PVALB: variants seen among roughly 807,000 people sequenced by gnomAD.
The protein encoded by PVALB is parvalbumin alpha.
A neutral mutation model predicts 10.9 loss-of-function variants in PVALB; 11 were observed. The ratio of observed to expected loss-of-function variants is 1.01; its 90% CI spans 0.63 to 1.67. The LOEUF (loss-of-function observed/expected upper bound fraction) is 1.67. PVALB is among the 40% of genes most tolerant of loss of function. PVALB has a pLI of 0.00. For synonymous variants in PVALB, 57 were observed against 50.7 expected, an observed-to-expected ratio of 1.12 and a Z score of -0.53; for missense variants, 131 against 136.2, an observed-to-expected ratio of 0.96 and a Z score of 0.19.
intron 3 of PVALB, chr22:36,811,487 C>T (rs879278256): frequency 2.1e-5 from 10 of 466,460 alleles, no homozygotes; most frequent in Middle Eastern, 3.2e-4. Flanking sequence ...CTTCCATTGC[C>T]GGGCACAGAG....
intron 3 of PVALB, among the ~76,000 whole-genome samples, chr22:36,803,661 ATGGG>A (rs1459128214): frequency 1.0e-4 from 9 of 89,540 alleles, no homozygotes; most frequent in South Asian, 4.6e-4. Context: ...GAATGGATGG[ATGGG>A]TGGGTGGGTG....
chr22:36,807,719 C>G (rs1054244497), intron 3 of PVALB, among the ~76,000 whole-genome samples: 3 of 152,116 alleles, frequency 2.0e-5, no homozygotes, highest in Non-Finnish European at 2.9e-5. Flanking sequence ...ACAGCCATTC[C>G]CACGGCTGAT....
At chr22:36,816,094 C>T (rs1434819897) in intron 1 of PVALB, among the ~76,000 whole-genome samples, 1 of 151,374 alleles carries the variant, frequency 6.6e-6, no homozygotes, top group Non-Finnish European at 1.5e-5. Flanking sequence ...CTGTTGAAGT[C>T]ATGTTCTCTT....
intron 3 of PVALB, among the ~76,000 whole-genome samples, chr22:36,801,285 A>G (rs997672874): frequency 6.6e-6 from 1 of 152,234 alleles, no homozygotes; most frequent in Non-Finnish European, 1.5e-5. Flanking sequence ...GACTCTGACA[A>G]TAGTCCTGTC....
At chr22:36,803,293 T>A (rs544859908) in intron 3 of PVALB, among the ~76,000 whole-genome samples, 3 of 152,316 alleles carry the variant, frequency 2.0e-5, no homozygotes, top group African/African-American at 7.2e-5. Context: ...AGCTCAAATA[T>A]CACCATCCCA....
Position 36,813,633 on chromosome 22 carries a change from C to T in PVALB, c.304+13G>A. The T allele has an allele frequency of 6.3e-7, 1 of 1,596,078 alleles. No homozygotes were observed. Among genetic ancestry groups the T allele is most frequent in the Non-Finnish European group, 8.6e-7 (1 of 1,163,656 alleles). Reference sequence around the variant, plus strand: ...TCCACAATATGCCCAGACCCCAGGTCACGGCTACCCACCGTCAACCCCAAT... The same window carrying T: ...TCCACAATATGCCCAGACCCCAGGTTACGGCTACCCACCGTCAACCCCAAT... On this transcript the variant is annotated intron_variant, in intron 3 of 3. Transcript: ENST00000417718.
At chr22:36,808,524 G>A (rs1938998034) in intron 3 of PVALB, among the ~76,000 whole-genome samples, 2 of 152,102 alleles carry the variant, frequency 1.3e-5, no homozygotes, top group African/African-American at 2.4e-5. Flanking sequence ...GGATAGTGAC[G>A]GCATCTACTT....
intron 3 of PVALB, among the ~76,000 whole-genome samples, chr22:36,809,450 A>C (rs780278442): frequency 1.3e-5 from 2 of 152,106 alleles, no homozygotes; most frequent in Non-Finnish European, 2.9e-5. Flanking sequence ...TAAACTATGA[A>C]TGAATGAATG....
upstream of PVALB, among the ~76,000 whole-genome samples, chr22:36,819,118 G>A (rs1660365840): frequency 1.3e-5 from 2 of 152,106 alleles, no homozygotes; most frequent in Non-Finnish European, 2.9e-5. Flanking sequence ...CTGCCCTCTG[G>A]GTCCTCTCTG....
chr22:36,803,178 A>G (rs987174673), intron 3 of PVALB, among the ~76,000 whole-genome samples: 3 of 152,196 alleles, frequency 2.0e-5, no homozygotes, highest in Admixed American at 6.5e-5. Context: ...AAAATTAAGT[A>G]GCTTGACCAT....
At chr22:36,803,605 G>C (rs80142403) in intron 3 of PVALB, among the ~76,000 whole-genome samples, 3,453 of 150,878 alleles carry the variant, frequency 0.023, 136 homozygotes, top group African/African-American at 0.081. Context: ...TGGATGGAGG[G>C]ATGAGGAATG....
rs546448749 is a variant in PVALB at position 36,815,184 on chromosome 22, T to C, written c.113A>G (p.Lys38Arg). ...KKFFQMVGLK[K>R]KSADDVKKVF... ...CTTCTTCACATCATCCGCACTCTTT[T>C]TCTTCAGGCCGACCATTTGGAAGAA... The change falls in exon 2 of 4, where the codon AAA becomes AGA. Residue 38 changes from lysine (K) to arginine (R), a missense_variant. Physicochemically the swap from Lys to Arg is conservative, Grantham distance 26. Transcript: ENST00000417718. 126 of 1,614,210 alleles carry C rather than the reference T, an allele frequency of 7.8e-5. No homozygotes were observed. In the South Asian group the frequency reaches 1.3e-3, roughly 16 times the overall value.
intron 3 of PVALB, 140 bp from the exon 4 acceptor site, chr22:36,801,058 A>C: frequency 1.4e-6 from 1 of 715,302 alleles, no homozygotes; most frequent in Non-Finnish European, 2.4e-6. Context: ...TAAGTGTGAA[A>C]ATGAATGAAT....
At chr22:36,816,346 C>G (rs1301257625) in intron 1 of PVALB, 1 of 152,316 alleles carries the variant, frequency 6.6e-6, no homozygotes, top group African/African-American at 2.4e-5. Context: ...CTCCCCTGCC[C>G]GCCTAAGGAG....
intron 3 of PVALB, among the ~76,000 whole-genome samples, chr22:36,803,088 TTA>T (rs71775198): frequency 1.1e-3 from 170 of 152,316 alleles, no homozygotes; most frequent in African/African-American, 4.0e-3. Flanking sequence ...TTTGCATATA[TTA>T]TCTCATTGAA....
chr22:36,808,086 G>A (rs932462849), intron 3 of PVALB, among the ~76,000 whole-genome samples: 4 of 152,240 alleles, frequency 2.6e-5, no homozygotes, highest in East Asian at 1.9e-4. Flanking sequence ...GTGCAGGCAC[G>A]TGTGCACACG....
intron 3 of PVALB, among the ~76,000 whole-genome samples, chr22:36,803,310 T>C (rs1010740732): frequency 3.9e-5 from 6 of 152,224 alleles, no homozygotes; most frequent in African/African-American, 1.4e-4. Context: ...CCCATCGCAT[T>C]AGTCCTTTTT....
chr22:36,818,493 C>T (rs1252304409), upstream of PVALB: 1 of 152,856 alleles, frequency 6.5e-6, no homozygotes, highest in African/African-American at 2.4e-5. Flanking sequence ...AGATGGCTTC[C>T]AAGGCACCAA....
At chr22:36,806,304 A>T (rs558988972) in intron 3 of PVALB, among the ~76,000 whole-genome samples, 22 of 152,114 alleles carry the variant, frequency 1.4e-4, no homozygotes, top group Non-Finnish European at 2.6e-4. Flanking sequence ...CAAAGGAGGT[A>T]GATGGTAGGG....
Sources: allele counts gnomAD v4.1 joint callset (sites outside exome capture counted in the v4.1 genomes callset), GRCh38; gene constraint gnomAD v4.1.1; transcripts MANE v1.5; gene names NCBI Gene and HGNC (gene_info 2026-07-23, HGNC 2026-07-21).